UGT1A7: variants seen among roughly 807,000 people sequenced by gnomAD.
UGT1A7 encodes UDP-glucuronosyltransferase 1A7.
UGT1A7 carries 33 observed loss-of-function variants against 45.6 expected under a neutral mutation model. The ratio of observed to expected loss-of-function variants is 0.72; its 90% CI spans 0.55 to 0.97. The LOEUF is 0.97. Ranked by LOEUF, UGT1A7 falls within the 50% of genes least tolerant of loss-of-function variation. The probability of loss-of-function intolerance (pLI) is 0.00; values close to 1 mark genes in which losing one functional copy is unlikely to be tolerated. For missense variants in UGT1A7, 684 were observed against 666.2 expected, an observed-to-expected ratio of 1.03 and a Z score of -0.29; for synonymous variants, 274 against 250.6, an observed-to-expected ratio of 1.09 and a Z score of -0.88.
intron 1 of UGT1A7, chr2:233,729,354 C>T: frequency 1.9e-6 from 3 of 1,614,190 alleles, no homozygotes; most frequent in African/African-American, 1.3e-5. Context: ...ACTTTTTCAC[C>T]CTGACAACCT....
At chr2:233,718,834 T>A in intron 1 of UGT1A7, 1 of 1,613,600 alleles carries the variant, frequency 6.2e-7, no homozygotes, top group Non-Finnish European at 8.5e-7. Context: ...GCCAGAGGAC[T>A]CCAGGTTCCC....
chr2:233,724,335 G>T (rs2077226383), intron 1 of UGT1A7, among the ~76,000 whole-genome samples: 1 of 147,968 alleles, frequency 6.8e-6, no homozygotes, highest in Admixed American at 6.7e-5. Flanking sequence ...CCAGGCGGGG[G>T]GCTGACCCCC....
At chr2:233,765,256 G>A (rs1698788052) in intron 1 of UGT1A7, among the ~76,000 whole-genome samples, 1 of 152,096 alleles carries the variant, frequency 6.6e-6, no homozygotes, top group African/African-American at 2.4e-5. Flanking sequence ...CCATTACTGG[G>A]TATATACCCA....
rs1394358402 is a variant in UGT1A7 at position 233,747,887 on chromosome 2, T to C, written c.856-19147T>C. The C allele has an allele frequency of 1.2e-5, 19 of 1,613,492 alleles. No homozygotes were observed. The South Asian group carries it at 2.0e-4, about 17-fold the overall frequency. ...CTCTGGCCCTGTCCTACCTTTGCCA[T>C]GCTCTTTCTGCTCCTTATGCAAGCC... On this transcript the variant is annotated intron_variant, in intron 1 of 4. Transcript: ENST00000373426.
intron 1 of UGT1A7, chr2:233,740,958 A>C (rs1691521445): frequency 6.6e-6 from 1 of 151,686 alleles, no homozygotes; most frequent in Non-Finnish European, 1.5e-5. Context: ...GTGTGGTAGC[A>C]TTTCTGTAGT....
chr2:233,693,429 G>A, intron 1 of UGT1A7: 2 of 1,614,166 alleles, frequency 1.2e-6, no homozygotes, highest in Non-Finnish European at 1.7e-6. Context: ...TTTAAGGAGA[G>A]CAAGTTTGAT....
At chr2:233,686,284 T>C (rs749400272) in intron 1 of UGT1A7, among the ~76,000 whole-genome samples, 8 of 151,910 alleles carry the variant, frequency 5.3e-5, no homozygotes, top group Admixed American at 1.3e-4. Flanking sequence ...TACAAGAAAC[T>C]AAAACAAGAA....
rs1307125349 is a variant in UGT1A7, at chr2:233,682,057, C to T, written c.120C>T (p.Thr40=). 1.2e-6 allele frequency: 2 copies of T among 1,614,088 alleles called. No individual in the cohort carries two copies. Among genetic ancestry groups the T allele is most frequent in the East Asian group, 2.2e-5 (1 of 44,886 alleles). Residue 40 remains threonine (T), a synonymous_variant, in exon 1 of 5, where the codon ACC becomes ACT. Transcript: ENST00000373426. ...CCATGGATGGGAGCCACTGGTTCACCATGCAGTCGGTGGTGGAGAAACTCA... is the reference window on the plus strand; with the variant it reads ...CCATGGATGGGAGCCACTGGTTCACTATGCAGTCGGTGGTGGAGAAACTCA... ...VVPMDGSHWF[T]MQSVVEKLIL...
At chr2:233,729,375 G>A (rs148006660) in intron 1 of UGT1A7, 162 of 1,614,004 alleles carry the variant, frequency 1.0e-4, no homozygotes, top group African/African-American at 2.0e-4. Flanking sequence ...ATGCCATTTC[G>A]TGGACCCAGG....
In UGT1A7 at chr2:233,754,741, T is replaced by C; in HGVS notation, c.856-12293T>C. On this transcript the variant is annotated intron_variant, in intron 1 of 4. Coordinates refer to ENST00000373426, the MANE Select transcript of UGT1A7 (RefSeq NM_019077.3). Reference sequence around the variant, plus strand: ...CCTGTCCCATCACTACCGTAGGACATGCAGAAGGAAGAAAGGCCCCCACTT... The same window carrying C: ...CCTGTCCCATCACTACCGTAGGACACGCAGAAGGAAGAAAGGCCCCCACTT... The C allele has an allele frequency of 7.1e-6, 5 of 707,448 alleles. No homozygotes were observed. In the South Asian group the frequency reaches 7.2e-5, roughly 10 times the overall value. The allele number at this position is 707,448 out of a possible 1,614,324, so 43.8% of individuals were successfully genotyped here. A position where few individuals can be genotyped will look rare whatever the true frequency, so the allele number is the denominator to read the frequency against.
At position 233,772,651 on chromosome 2, in the gene UGT1A7, T is replaced by C. The variant is rs1700540535; in HGVS notation, c.*92T>C. 1.3e-6 allele frequency: 2 copies of C among 1,547,716 alleles called. No individual in the cohort carries two copies. Among genetic ancestry groups the C allele is most frequent in the Non-Finnish European group, 1.7e-6 (2 of 1,146,578 alleles). ...ATCAGTGTTAAATTCATTTTATTCT[T>C]ATTAAGGAAATACTTTGCATAAATT... On this transcript the variant is annotated 3_prime_UTR_variant, in exon 5 of 5. Transcript: ENST00000373426.
rs769053574 is a variant in UGT1A7 at position 233,713,820 on chromosome 2, G to T, written c.855+31028G>T. The stretch of plus-strand genomic sequence containing the variant: ...GATCATGCCCAACATGGTCTTCATT[G>T]GGGGCATCAACTGTGCCAACGGGAA... On this transcript the variant is annotated intron_variant, in intron 1 of 4. Coordinates refer to ENST00000373426, the MANE Select transcript of UGT1A7 (RefSeq NM_019077.3). The T allele has an allele frequency of 1.1e-5, 17 of 1,614,012 alleles. No individual in the cohort carries two copies. In the South Asian group the frequency reaches 1.9e-4, roughly 18 times the overall value.
chr2:233,762,253 C>T (rs1056806461), intron 1 of UGT1A7, among the ~76,000 whole-genome samples: 3 of 152,100 alleles, frequency 2.0e-5, no homozygotes, highest in African/African-American at 7.2e-5. Context: ...AGGCACCCAC[C>T]GAATATGTGT....
intron 1 of UGT1A7, among the ~76,000 whole-genome samples, chr2:233,716,102 AT>A (rs1251021600): frequency 6.6e-6 from 1 of 152,158 alleles, no homozygotes; most frequent in East Asian, 1.9e-4. Context: ...TTTAACAGAA[AT>A]TTAGTTTTTC....
At chr2:233,689,523 A>G (rs189708973) in intron 1 of UGT1A7, among the ~76,000 whole-genome samples, 31 of 152,380 alleles carry the variant, frequency 2.0e-4, no homozygotes, top group African/African-American at 7.5e-4. Flanking sequence ...TGGTTTGGTC[A>G]TGAGAAGTGA....
chr2:233,697,115 C>G (rs1237867700), intron 1 of UGT1A7, among the ~76,000 whole-genome samples: 1 of 151,998 alleles, frequency 6.6e-6, no homozygotes, highest in Non-Finnish European at 1.5e-5. Flanking sequence ...GAAGTATTCT[C>G]TCCTCTTCAT....
At position 233,767,254 on chromosome 2, in the gene UGT1A7, G is replaced by A. The variant is rs35359603; in HGVS notation, c.987+89G>A. The A allele has an allele frequency of 2.3e-4, 374 of 1,598,070 alleles. 1 individual carries two copies. In the African/African-American group the frequency reaches 4.6e-3, roughly 20 times the overall value. ...AGCTTCCAGATTAATTCTCTTAATTGGAACCTTAGATTTGGCTTTTCCCTG... is the reference window on the plus strand; with the variant it reads ...AGCTTCCAGATTAATTCTCTTAATTAGAACCTTAGATTTGGCTTTTCCCTG... On this transcript the variant is annotated intron_variant, in intron 2 of 4. Transcript: ENST00000373426.
intron 1 of UGT1A7, chr2:233,708,386 G>A (rs1189404763): frequency 1.3e-5 from 2 of 152,170 alleles, no homozygotes; most frequent in Non-Finnish European, 2.9e-5. Flanking sequence ...TTTTGTGTGT[G>A]TGTGTTTACT....
chr2:233,729,311 C>T (rs367893745), intron 1 of UGT1A7: 1 of 1,614,250 alleles, frequency 6.2e-7, no homozygotes, highest in South Asian at 1.1e-5. Flanking sequence ...GTGGTCCTCA[C>T]CCCAGAGGTG....
Sources: allele counts gnomAD v4.1 joint callset (sites outside exome capture counted in the v4.1 genomes callset), GRCh38; gene constraint gnomAD v4.1.1; transcripts MANE v1.5; gene names NCBI Gene and HGNC (gene_info 2026-07-23, HGNC 2026-07-21).